The following ANKRD30A variants were observed in gnomAD, a reference collection of about 807,000 sequenced individuals.
The protein encoded by ANKRD30A is ankyrin repeat domain 30A, also known as ankyrin repeat domain-containing protein 30A.
A neutral mutation model predicts 166.3 loss-of-function variants in ANKRD30A; 170 were observed. The observed-to-expected ratio is 1.02, with a 90% CI of 0.90 to 1.16. The LOEUF (loss-of-function observed/expected upper bound fraction) is 1.16. Among genes scored for constraint, ANKRD30A ranks in the 50% most tolerant of loss-of-function variants. The pLI, the probability that ANKRD30A is intolerant of heterozygous loss-of-function variation, is 0.00. For synonymous variants in ANKRD30A, 564 were observed against 508.9 expected, an observed-to-expected ratio of 1.11 and a Z score of -1.46; for missense variants, 1,630 against 1,518.0, an observed-to-expected ratio of 1.07 and a Z score of -1.23.
At chr10:37,256,660 A>G in the ANKRD30A span, among the ~76,000 whole-genome samples, 10 of 152,340 alleles carry the variant, frequency 6.6e-5, no homozygotes, top group East Asian at 1.7e-3. Flanking sequence ...AGATAGACTA[A>G]TCTGTGTTAA....
the ANKRD30A span, among the ~76,000 whole-genome samples, chr10:37,254,960 G>A: frequency 2.0e-5 from 3 of 151,992 alleles, no homozygotes; most frequent in Non-Finnish European, 4.4e-5. Context: ...GGGATTACAG[G>A]TGTGAGCCAC....
rs756437235 is a variant in ANKRD30A at position 37,219,105 on chromosome 10, A to G, written c.3393A>G (p.Lys1131=). ...ACCAATACCAGGAAAAGGAAAATAA[A>G]TACTTTGAGGACATTAAGATTTTAA... ...LKHQYQEKEN[K]YFEDIKILKE... is the part of the protein sequence containing the mutation. The change falls in exon 34 of 36, where the codon AAA becomes AAG. Residue 1131 remains lysine, a synonymous_variant. Transcript: ENST00000361713. The G allele has an allele frequency of 4.3e-6, 7 of 1,609,696 alleles. No homozygotes were observed. Among genetic ancestry groups the G allele is most frequent in the African/African-American group, 1.3e-5 (1 of 74,738 alleles).
chr10:37,254,873 G>A, the ANKRD30A span, among the ~76,000 whole-genome samples: 2 of 151,658 alleles, frequency 1.3e-5, no homozygotes, highest in Non-Finnish European at 2.9e-5. Context: ...TAGTAGAGAC[G>A]GGGCTTCACC....
intron 21 of ANKRD30A, among the ~76,000 whole-genome samples, chr10:37,172,992 A>G (rs1839713062): frequency 6.6e-6 from 1 of 152,234 alleles, no homozygotes; most frequent in Non-Finnish European, 1.5e-5. Flanking sequence ...TTTAAGATAA[A>G]TATTGTGGTG....
chr10:37,147,452 T>C lies in ANKRD30A; in HGVS notation c.1538T>C (p.Val513Ala), dbSNP rs769087019. ...YQKVMEINRE[V>A]EEPPKKPSAF... Reference sequence around the variant, plus strand: ...AAAGTAATGGAGATAAATAGAGAAGTAGAAGGTAAGAACGATTTTTTATTT... The same window carrying C: ...AAAGTAATGGAGATAAATAGAGAAGCAGAAGGTAAGAACGATTTTTTATTT... The change falls in exon 9 of 36, where the codon GTA becomes GCA. Residue 513 changes from valine (V) to alanine (A), a missense_variant. Val to Ala is a moderately conservative substitution (Grantham distance 64). Coordinates refer to ENST00000361713, the MANE Select transcript of ANKRD30A (RefSeq NM_052997.3). 7.6e-6 allele frequency: 12 copies of C among 1,571,262 alleles called. No individual in the cohort carries two copies.
rs899935311 is a variant in ANKRD30A at position 37,129,998 on chromosome 10, T to A, written c.327T>A (p.Pro109=). The A allele has an allele frequency of 6.5e-7, 1 of 1,539,330 alleles. No homozygotes were observed. The highest frequency in any genetic ancestry group is 1.4e-5 in the African/African-American group (1 of 72,182). The change falls in exon 2 of 36, where the codon CCT becomes CCA. Residue 109 remains proline, a synonymous_variant. Coordinates refer to ENST00000361713, the MANE Select transcript of ANKRD30A (RefSeq NM_052997.3). ...LDVLDGEHRT[P]LMKALQCHQE... is the part of the protein sequence containing the mutation. ...TCCTTGATGGCGAACACAGGACACC[T>A]CTGATGAAGGTAAATAGTAGCCAGA...
chr10:37,126,084 G>C (rs1588730618), intron 1 of ANKRD30A, 76 bp downstream of exon 1: 1 of 1,515,666 alleles, frequency 6.6e-7, no homozygotes, highest in East Asian at 2.3e-5. Context: ...AGAGTCGGGG[G>C]CTGGGGGGCC....
rs536012894 is a variant in ANKRD30A, at chr10:37,178,101, G to T, written c.2421+1883G>T. ...GAACAAGAAACAGGTTTATGTAATG[G>T]AGGATGATAAAATGAAATGATTGTT... On this transcript the variant is annotated intron_variant, in intron 24 of 35. Coordinates refer to ENST00000361713, the MANE Select transcript of ANKRD30A (RefSeq NM_052997.3). Among the ~76,000 whole-genome samples, 3 of 151,468 alleles carry T rather than the reference G, an allele frequency of 2.0e-5. 1 individual carries two copies. In the South Asian group the frequency reaches 6.3e-4, roughly 32 times the overall value.
the ANKRD30A span, among the ~76,000 whole-genome samples, chr10:37,256,557 C>G: frequency 1.8e-4 from 28 of 152,202 alleles, no homozygotes; most frequent in African/African-American, 6.5e-4. Flanking sequence ...ATAATAGTAC[C>G]CAGCATAAAA....
chr10:37,145,980 C>T (rs1358379822), intron 8 of ANKRD30A, among the ~76,000 whole-genome samples: 1 of 152,228 alleles, frequency 6.6e-6, no homozygotes. Context: ...TCTTTGAGTC[C>T]GTTTGTGGTA....
Position 37,141,922 on chromosome 10 carries a change from T to C in ANKRD30A, c.1025T>C (p.Leu342Ser). 1 of 1,614,196 alleles carries C rather than the reference T, an allele frequency of 6.2e-7. No homozygotes were observed. The highest frequency in any genetic ancestry group is 1.1e-5 in the South Asian group (1 of 91,088). Reference protein sequence around the residue: ...VEGTSDKIQCLEKATSGKFEQ... With the variant: ...VEGTSDKIQCSEKATSGKFEQ... ...GGAACATCTGACAAAATTCAATGTTTGGAGAAAGCGACATCTGGAAAGTTC... is the reference window on the plus strand; with the variant it reads ...GGAACATCTGACAAAATTCAATGTTCGGAGAAAGCGACATCTGGAAAGTTC... The change falls in exon 7 of 36, where the codon TTG becomes TCG. Residue 342 changes from leucine to serine, a missense_variant. By Grantham distance (145) the Leu-to-Ser change is moderately radical. Around this residue, in one of 4 missense-constraint regions of ANKRD30A, gnomAD observed 904 missense variants for 818.5 expected, o/e 1.10. Coordinates refer to ENST00000361713, the MANE Select transcript of ANKRD30A (RefSeq NM_052997.3).
intron 11 of ANKRD30A, among the ~76,000 whole-genome samples, chr10:37,150,449 A>G (rs1837841171): frequency 6.6e-6 from 1 of 152,070 alleles, no homozygotes; most frequent in African/African-American, 2.4e-5. Context: ...CTTTTTCCTA[A>G]AACTGTAATT....
At chr10:37,178,815 C>G (rs1199464611) in intron 24 of ANKRD30A, among the ~76,000 whole-genome samples, 3 of 150,726 alleles carry the variant, frequency 2.0e-5, no homozygotes, top group Non-Finnish European at 4.5e-5. Flanking sequence ...AAGCAGGGGA[C>G]AAGAGAGAAG....
intron 34 of ANKRD30A, among the ~76,000 whole-genome samples, chr10:37,231,234 CT>C (rs1484954117): frequency 2.6e-5 from 4 of 151,058 alleles, no homozygotes; most frequent in African/African-American, 4.9e-5. Context: ...AAAAAAAAAA[CT>C]TTTTGTTAGA....
intron 31 of ANKRD30A, among the ~76,000 whole-genome samples, chr10:37,209,795 G>A (rs1284657707): frequency 6.6e-6 from 1 of 152,024 alleles, no homozygotes; most frequent in Admixed American, 6.6e-5. Context: ...TTAGGGCAAT[G>A]CAGGTTAACT....
chr10:37,132,470 A>G, intron 4 of ANKRD30A, 124 bp downstream of exon 4: 1 of 563,998 alleles, frequency 1.8e-6, no homozygotes, highest in Non-Finnish European at 2.9e-6. Context: ...ATCAATACAG[A>G]TTATCAGAAG....
At chr10:37,199,037 A>G (rs1317888062) in intron 29 of ANKRD30A, among the ~76,000 whole-genome samples, 1 of 152,060 alleles carries the variant, frequency 6.6e-6, no homozygotes, top group African/African-American at 2.4e-5. Flanking sequence ...TTTTTCCTAT[A>G]CATTTCTCAT....
In ANKRD30A at chr10:37,126,154, C is replaced by T. The variant is rs925665469; in HGVS notation, c.221+146C>T. 45 of 832,264 alleles carry T rather than the reference C, an allele frequency of 5.4e-5. No individual in the cohort carries two copies. In the African/African-American group the frequency reaches 7.4e-4, roughly 14 times the overall value. 51.6% of individuals were successfully genotyped at this position (832,264 alleles called of 1,614,324 possible). A position where few individuals can be genotyped will look rare whatever the true frequency, so the allele number is the denominator to read the frequency against. ...CAGCGGGGCAGCCATCCTGGGCCCT[C>T]GGGTCTAGGCCTTCTTCCTGGGCAG... is the stretch of plus-strand genomic sequence containing the variant. On this transcript the variant is annotated intron_variant, in intron 1 of 35. Transcript: ENST00000361713.
In ANKRD30A at chr10:37,231,555, C is replaced by T. The variant is rs45553334; in HGVS notation, c.*86C>T. On this transcript the variant is annotated 3_prime_UTR_variant, in exon 35 of 36. Transcript: ENST00000361713. Reference sequence around the variant, plus strand: ...CATGCTAGGAGGCCAGTCCTAGCATCACCTTATGTTGAAAATCTTACCAAT... The same window carrying T: ...CATGCTAGGAGGCCAGTCCTAGCATTACCTTATGTTGAAAATCTTACCAAT... 16,549 of 1,087,024 alleles carry T rather than the reference C, an allele frequency of 0.015. 200 individuals carry two copies. The highest frequency in any genetic ancestry group is 0.019 in the Non-Finnish European group (14,619 of 765,460). 67.3% of individuals were successfully genotyped at this position (1,087,024 alleles called of 1,614,324 possible).
Sources: allele counts gnomAD v4.1 joint callset (sites outside exome capture counted in the v4.1 genomes callset), GRCh38; gene constraint gnomAD v4.1.1; regional missense constraint gnomAD v4.1.1; transcripts MANE v1.5; gene names NCBI Gene and HGNC (gene_info 2026-07-23, HGNC 2026-07-21).